The following RBX1 variants were observed in gnomAD, a reference collection of about 807,000 sequenced individuals.
RBX1 encodes E3 ubiquitin-protein ligase RBX1.
For synonymous variants in RBX1, 48 were observed against 47.9 expected (o/e 1.00, Z -0.01); for missense variants, 46 against 141.4 (o/e 0.33, Z 3.42).
chr22:40,970,747 C>G (rs370116320), intron 4 of RBX1, among the ~76,000 whole-genome samples: 2 of 151,430 alleles, frequency 1.3e-5, no homozygotes, highest in Middle Eastern at 3.2e-3. Flanking sequence ...TTTAAAAAAA[C>G]CAAAAAATAG....
At position 40,967,789 on chromosome 22, in the gene RBX1, T is replaced by C; in HGVS notation, c.229-10T>C. ...GAGTTATTTTTAATAAAATATATGT[T>C]TTCTTTCAGCATGCTTTTCACTTCC... On this transcript the variant is annotated splice_polypyrimidine_tract_variant and intron_variant, in intron 3 of 4. Transcript: ENST00000216225. The C allele has an allele frequency of 6.2e-7, 1 of 1,611,972 alleles. No homozygotes were observed. Among genetic ancestry groups the C allele is most frequent in the Non-Finnish European group, 8.5e-7 (1 of 1,178,188 alleles).
At chr22:40,961,298 T>C (rs531563939) in intron 2 of RBX1, among the ~76,000 whole-genome samples, 12 of 152,004 alleles carry the variant, frequency 7.9e-5, no homozygotes, top group Non-Finnish European at 1.8e-4. Context: ...TTGCCCAGCC[T>C]GGTCTTGAAT....
chr22:40,972,984 T>C lies in RBX1; in HGVS notation c.*496T>C, dbSNP rs955379787. 3 of 158,384 alleles carry C rather than the reference T, an allele frequency of 1.9e-5. No individual in the cohort carries two copies. Among genetic ancestry groups the C allele is most frequent in the African/African-American group, 4.8e-5 (2 of 41,592 alleles). The allele number at this position is 158,384 out of a possible 1,614,324, so 9.8% of individuals were successfully genotyped here. A position where few individuals can be genotyped will look rare whatever the true frequency, so the allele number is the denominator to read the frequency against. On this transcript the variant is annotated 3_prime_UTR_variant, in exon 5 of 5. Transcript: ENST00000216225. ...CACAGCTTGGGTACTGATGGCAATCTTGGCCAAGTTGTCTCTCTACTCTGA... is the reference window on the plus strand; with the variant it reads ...CACAGCTTGGGTACTGATGGCAATCCTGGCCAAGTTGTCTCTCTACTCTGA...
rs550196591 is a variant in RBX1 at position 40,951,424 on chromosome 22, C to A, written c.26C>A (p.Thr9Asn). Residue 9 changes from threonine to asparagine, a missense_variant, in exon 1 of 5, where the codon ACC becomes AAC. Thr to Asn is a moderately conservative substitution (Grantham distance 65, BLOSUM62 0). Coordinates refer to ENST00000216225, the MANE Select transcript of RBX1 (RefSeq NM_014248.4). ...ATGGCGGCAGCGATGGATGTGGATACCCCGAGCGGCACCAACAGCGGCGCG... is the reference window on the plus strand; with the variant it reads ...ATGGCGGCAGCGATGGATGTGGATAACCCGAGCGGCACCAACAGCGGCGCG... MAAAMDVD[T>N]PSGTNSGAGK... The A allele has an allele frequency of 1.9e-6, 3 of 1,613,378 alleles. No individual in the cohort carries two copies. The highest frequency in any genetic ancestry group is 1.1e-5 in the South Asian group (1 of 91,066).
chr22:40,956,810 C>A (rs1267225186), intron 2 of RBX1, among the ~76,000 whole-genome samples: 1 of 146,774 alleles, frequency 6.8e-6, no homozygotes, highest in Non-Finnish European at 1.5e-5. Context: ...CCAAGGCGGG[C>A]AGATCACAAG....
intron 3 of RBX1, 139 bp downstream of exon 3, chr22:40,964,256 T>C: frequency 1.6e-6 from 1 of 617,824 alleles, no homozygotes; most frequent in Non-Finnish European, 2.9e-6. Flanking sequence ...GTAAAAAAGA[T>C]TTTAAATCAT....
chr22:40,959,656 C>T (rs912614061), intron 2 of RBX1, among the ~76,000 whole-genome samples: 2 of 151,984 alleles, frequency 1.3e-5, no homozygotes. Context: ...ACTAAAAATA[C>T]AAAAAATAGC....
At chr22:40,965,637 C>T (rs1034742052) in intron 3 of RBX1, among the ~76,000 whole-genome samples, 10 of 152,148 alleles carry the variant, frequency 6.6e-5, no homozygotes, top group African/African-American at 1.4e-4. Flanking sequence ...GATGGGGTTT[C>T]GCCATGTTGG....
chr22:40,964,614 G>A (rs1432377606), intron 3 of RBX1, among the ~76,000 whole-genome samples: 1 of 152,208 alleles, frequency 6.6e-6, no homozygotes, highest in Non-Finnish European at 1.5e-5. Context: ...TTATTGGACT[G>A]AATGGCCTTC....
rs1248983705 is a variant in RBX1, at chr22:40,957,294, G to A, written c.157+3661G>A. Among the ~76,000 whole-genome samples the A allele has an allele frequency of 4.0e-5, 6 of 150,956 alleles. No individual in the cohort carries two copies. In the South Asian group the frequency reaches 8.4e-4, roughly 21 times the overall value. ...TGGGAGGCAGAGGTTGCAGTGAGCCGAGATCCTGCCATTGCACTCCATCCT... is the reference window on the plus strand; with the variant it reads ...TGGGAGGCAGAGGTTGCAGTGAGCCAAGATCCTGCCATTGCACTCCATCCT... On this transcript the variant is annotated intron_variant, in intron 2 of 4. Transcript: ENST00000216225.
chr22:40,968,193 C>T (rs954356050), intron 4 of RBX1, among the ~76,000 whole-genome samples: 2 of 149,764 alleles, frequency 1.3e-5, no homozygotes, highest in African/African-American at 2.5e-5. Flanking sequence ...CAGATTCAAG[C>T]GATCCTCCCA....
chr22:40,951,383 A>C lies in RBX1; in HGVS notation c.-16A>C, dbSNP rs75149872. 3.6e-4 allele frequency: 587 copies of C among 1,611,982 alleles called. 1 individual carries two copies. The East Asian group carries it at 0.011, about 31-fold the overall frequency. ...CGCAGGCGCGGTGGTCGGACGACAG[A>C]CCGTGTGTTTCCAAAATGGCGGCAG... On this transcript the variant is annotated 5_prime_UTR_variant, in exon 1 of 5. Coordinates refer to ENST00000216225, the MANE Select transcript of RBX1 (RefSeq NM_014248.4).
chr22:40,957,171 C>T lies in RBX1; in HGVS notation c.157+3538C>T, dbSNP rs1393175141. On this transcript the variant is annotated intron_variant, in intron 2 of 4. Transcript: ENST00000216225. Reference sequence around the variant, plus strand: ...GACCATCCTGGCCAACACAGTGAAACCCCATCTCTACTAAAAATACAAAAT... The same window carrying T: ...GACCATCCTGGCCAACACAGTGAAATCCCATCTCTACTAAAAATACAAAAT... Among the ~76,000 whole-genome samples, 3 of 151,504 alleles carry T rather than the reference C, an allele frequency of 2.0e-5. No homozygotes were observed. In the East Asian group the frequency reaches 5.9e-4, roughly 30 times the overall value.
intron 2 of RBX1, among the ~76,000 whole-genome samples, chr22:40,955,083 G>A (rs143017629): frequency 2.6e-5 from 4 of 152,080 alleles, no homozygotes; most frequent in East Asian, 1.9e-4. Context: ...CACCATGCCC[G>A]GCCTGCTTTT....
intron 2 of RBX1, among the ~76,000 whole-genome samples, chr22:40,958,858 G>A (rs141932162): frequency 5.4e-4 from 82 of 152,052 alleles, no homozygotes; most frequent in African/African-American, 1.8e-3. Flanking sequence ...CTGTTGCCTC[G>A]GCTGGAGTGC....
At chr22:40,968,777 G>C (rs1399645658) in intron 4 of RBX1, among the ~76,000 whole-genome samples, 1 of 151,452 alleles carries the variant, frequency 6.6e-6, no homozygotes, top group Non-Finnish European at 1.5e-5. Context: ...TATATGTCCC[G>C]GTATTTACAT....
intron 2 of RBX1, among the ~76,000 whole-genome samples, chr22:40,959,100 G>C (rs538002410): frequency 2.6e-5 from 4 of 152,310 alleles, no homozygotes; most frequent in South Asian, 4.1e-4. Context: ...ACAGGCGTGA[G>C]CCACCACGCC....
Position 40,972,650 on chromosome 22 carries a change from A to T in RBX1, c.*162A>T. 1.6e-6 allele frequency: 1 copy of T among 606,616 alleles called. No homozygotes were observed. The highest frequency in any genetic ancestry group is 3.0e-6 in the Non-Finnish European group (1 of 338,160). The allele number at this position is 606,616 out of a possible 1,614,324, so 37.6% of individuals were successfully genotyped here. A position where few individuals can be genotyped will look rare whatever the true frequency, so the allele number is the denominator to read the frequency against. ...TTGTATTCTGTGTCAAATAAAGTCCAGTTGGATTCTGGAACGGATGCTCTC... is the reference window on the plus strand; with the variant it reads ...TTGTATTCTGTGTCAAATAAAGTCCTGTTGGATTCTGGAACGGATGCTCTC... On this transcript the variant is annotated 3_prime_UTR_variant, in exon 5 of 5. Coordinates refer to ENST00000216225, the MANE Select transcript of RBX1 (RefSeq NM_014248.4).
chr22:40,970,480 G>T (rs1367888926), intron 4 of RBX1, among the ~76,000 whole-genome samples: 1 of 151,698 alleles, frequency 6.6e-6, no homozygotes, highest in Non-Finnish European at 1.5e-5. Context: ...TTCATTTCCT[G>T]CCAGTGCTTC....
Sources: allele counts gnomAD v4.1 joint callset (sites outside exome capture counted in the v4.1 genomes callset), GRCh38; gene constraint gnomAD v4.1.1; transcripts MANE v1.5; gene names NCBI Gene and HGNC (gene_info 2026-07-23, HGNC 2026-07-21).